The following SCLT1 variants were observed in gnomAD, a reference collection of about 807,000 sequenced individuals.
SCLT1 encodes the protein sodium channel-associated protein 1.
Under a neutral mutation model 112.8 loss-of-function variants are expected in SCLT1, and 78 were observed. That is an observed-to-expected ratio of 0.69 (90% CI 0.58 to 0.83). The LOEUF is 0.83. SCLT1 is among the 40% of genes least tolerant of loss of function. SCLT1 has a pLI of 0.00. For synonymous variants in SCLT1, 257 were observed against 254.7 expected (o/e 1.01, Z -0.09); for missense variants, 747 against 770.4 (o/e 0.97, Z 0.36).
chr4:128,882,930 T>A (rs568066841), downstream of SCLT1, among the ~76,000 whole-genome samples: 4 of 152,074 alleles, frequency 2.6e-5, no homozygotes, highest in Non-Finnish European at 5.9e-5. Flanking sequence ...GCAGATCACC[T>A]GAGGTCAGAA....
chr4:128,958,810 ATAAT>A (rs772617748), intron 12 of SCLT1, among the ~76,000 whole-genome samples: 44 of 152,300 alleles, frequency 2.9e-4, no homozygotes, highest in Non-Finnish European at 5.6e-4. Context: ...TAGGATTTAG[ATAAT>A]TAATTCTTTT....
At chr4:128,903,784 C>T (rs1734495175) in intron 18 of SCLT1, among the ~76,000 whole-genome samples, 3 of 152,108 alleles carry the variant, frequency 2.0e-5, no homozygotes, top group Admixed American at 6.6e-5. Context: ...ATTTCTCTGT[C>T]AGGATGTTTC....
At chr4:128,973,560 A>G (rs778328247) in intron 9 of SCLT1, among the ~76,000 whole-genome samples, 3 of 152,054 alleles carry the variant, frequency 2.0e-5, no homozygotes, top group Non-Finnish European at 2.9e-5. Flanking sequence ...CAGTACAACT[A>G]TATCTTGATA....
chr4:128,992,049 G>T, intron 9 of SCLT1, 118 bp downstream of exon 9: 1 of 625,340 alleles, frequency 1.6e-6, no homozygotes, highest in Non-Finnish European at 2.8e-6. Flanking sequence ...AGAAGATATT[G>T]GCAGAAGCTT....
intron 5 of SCLT1, among the ~76,000 whole-genome samples, chr4:129,020,919 G>A (rs1175280216): frequency 1.3e-5 from 2 of 152,034 alleles, no homozygotes; most frequent in Non-Finnish European, 2.9e-5. Context: ...ACATTCTAGT[G>A]GAAAAGACAA....
At chr4:129,027,698 A>C (rs890798834) in intron 5 of SCLT1, among the ~76,000 whole-genome samples, 3 of 152,144 alleles carry the variant, frequency 2.0e-5, no homozygotes, top group Non-Finnish European at 2.9e-5. Context: ...AGGAGAAGGA[A>C]ATAAAGGGTA....
chr4:129,019,292 T>C (rs966930510), intron 5 of SCLT1, among the ~76,000 whole-genome samples: 8 of 152,214 alleles, frequency 5.3e-5, no homozygotes, highest in Non-Finnish European at 1.0e-4. Flanking sequence ...AAAGTTTTGA[T>C]CTTTTAGGTG....
intron 1 of SCLT1, 70 bp downstream of exon 1, chr4:129,093,000 A>C (rs1267039940): frequency 1.2e-5 from 14 of 1,173,760 alleles, no homozygotes; most frequent in Non-Finnish European, 1.5e-5. Flanking sequence ...AGCATTCAAA[A>C]AAGATTTGTC....
chr4:129,092,111 G>A (rs1428640294), intron 1 of SCLT1, among the ~76,000 whole-genome samples: 1 of 152,068 alleles, frequency 6.6e-6, no homozygotes, highest in Non-Finnish European at 1.5e-5. Flanking sequence ...AAATCAGACC[G>A]GGCCTTCTAA....
At chr4:129,091,315 C>T (rs1457305832) in intron 1 of SCLT1, among the ~76,000 whole-genome samples, 2 of 151,832 alleles carry the variant, frequency 1.3e-5, no homozygotes, top group Non-Finnish European at 2.9e-5. Flanking sequence ...TCTGCTCCTT[C>T]TGCTTGAGAT....
At chr4:128,911,990 A>C (rs1579354622) in intron 18 of SCLT1, among the ~76,000 whole-genome samples, 1 of 152,224 alleles carries the variant, frequency 6.6e-6, no homozygotes, top group African/African-American at 2.4e-5. Flanking sequence ...TTTGATGCTT[A>C]ATACATCACA....
At chr4:128,983,944 C>T (rs751579259) in intron 9 of SCLT1, among the ~76,000 whole-genome samples, 1 of 152,152 alleles carries the variant, frequency 6.6e-6, no homozygotes. Flanking sequence ...ATCTGTCATA[C>T]TTGAAAGCAA....
intron 2 of SCLT1, among the ~76,000 whole-genome samples, chr4:129,070,139 G>A (rs535483212): frequency 3.9e-5 from 6 of 152,126 alleles, no homozygotes; most frequent in South Asian, 2.1e-4. Flanking sequence ...TTCTCGCTAC[G>A]TTGTTGGATA....
At chr4:128,879,638 A>C (rs1179692477), downstream of SCLT1, among the ~76,000 whole-genome samples, 1 of 152,212 alleles carries the variant, frequency 6.6e-6, no homozygotes, top group Non-Finnish European at 1.5e-5. Flanking sequence ...TGAGGTAATA[A>C]ATGCAAAATG....
rs761382896 is a variant in SCLT1, at chr4:128,916,622, C to T, written c.1829+20033G>A. On this transcript the variant is annotated intron_variant, in intron 18 of 20. Coordinates refer to ENST00000281142, the MANE Select transcript of SCLT1 (RefSeq NM_144643.4). ...AAGGAAGAAACATAGTTAAAAATTACGGTACATTTTTTCAAGATGTTTTGA... is the reference window on the plus strand; with the variant it reads ...AAGGAAGAAACATAGTTAAAAATTATGGTACATTTTTTCAAGATGTTTTGA... 5.3e-4 allele frequency among the ~76,000 whole-genome samples: 81 copies of T among 152,162 alleles called. 2 individuals are homozygous for T. Among genetic ancestry groups the T allele is most frequent in the Non-Finnish European group, 5.9e-4 (40 of 68,026 alleles).
At chr4:129,039,436 C>G (rs1747475320) in intron 4 of SCLT1, 1 of 188,154 alleles carries the variant, frequency 5.3e-6, no homozygotes, top group African/African-American at 2.4e-5. Flanking sequence ...GTTCCTGTAT[C>G]TTGAATGTAT....
chr4:129,025,809 C>G (rs1746008330), intron 5 of SCLT1, among the ~76,000 whole-genome samples: 1 of 151,438 alleles, frequency 6.6e-6, no homozygotes, highest in Admixed American at 6.6e-5. Flanking sequence ...AAACCCATCT[C>G]ACGTGCAGAG....
Position 128,911,047 on chromosome 4 carries a change from T to C in SCLT1, c.1830-19910A>G, listed in dbSNP as rs543719188. 2.6e-5 allele frequency among the ~76,000 whole-genome samples: 4 copies of C among 152,240 alleles called. No homozygotes were observed. In the East Asian group the frequency reaches 7.7e-4, roughly 29 times the overall value. ...GGAAGGCCAAGGTGGGTAGATCACC[T>C]GAGGTCAGGAGTTCGAGACCAGCCT... On this transcript the variant is annotated intron_variant, in intron 18 of 20. Transcript: ENST00000281142.
chr4:128,885,379 T>C (rs2125918874), intron 20 of SCLT1, among the ~76,000 whole-genome samples: 1 of 152,344 alleles, frequency 6.6e-6, no homozygotes, highest in South Asian at 2.1e-4. Flanking sequence ...TCCGTAAATA[T>C]TTTAAATGAG....
Sources: gnomAD v4.1 joint callset for allele counts (sites outside exome capture counted in the v4.1 genomes callset) on GRCh38, gnomAD v4.1.1 for gene constraint, MANE v1.5 for transcripts, NCBI Gene and HGNC (gene_info 2026-07-23, HGNC 2026-07-21) for gene names.